The following SLC6A11 variants were observed in gnomAD, a reference collection of about 807,000 sequenced individuals.
The protein encoded by SLC6A11 is solute carrier family 6 member 11.
SLC6A11 carries 25 observed loss-of-function variants against 74.8 expected under a neutral mutation model. The ratio of observed to expected loss-of-function variants is 0.33; its 90% confidence interval spans 0.24 to 0.47. The LOEUF (loss-of-function observed/expected upper bound fraction) is 0.47, where lower values mean the gene tolerates loss of function less well. Among genes scored for constraint, SLC6A11 ranks in the 20% least tolerant of loss-of-function variants. The probability of loss-of-function intolerance (pLI) is 1.00; values close to 1 mark genes in which losing one functional copy is unlikely to be tolerated. For synonymous variants in SLC6A11, 330 were observed against 330.2 expected (o/e 1.00, Z 0.01); for missense variants, 574 against 837.0 (o/e 0.69, Z 3.88).
intron 12 of SLC6A11, 109 bp downstream of exon 12, chr3:10,934,275 G>A: frequency 1.4e-6 from 1 of 740,720 alleles, no homozygotes. Context: ...ACCTGAGGAG[G>A]CTGATGTCCC....
Position 10,933,210 on chromosome 3 carries a change from C to G in SLC6A11, c.1431C>G (p.Leu477=). 1 of 1,614,100 alleles carries G rather than the reference C, an allele frequency of 6.2e-7. No individual in the cohort carries two copies. The highest frequency in any genetic ancestry group is 2.2e-5 in the East Asian group (1 of 44,854). ...DSYAASGMCL[L]FVAIFECICI... ...ATGCCGCCAGTGGGATGTGCCTTCT[C>G]TTCGTGGCCATCTTTGAGTGCATCT... Residue 477 remains leucine, a synonymous_variant, in exon 11 of 14, where the codon CTC becomes CTG. Transcript: ENST00000254488.
At chr3:10,876,894 A>G (rs948782560) in intron 6 of SLC6A11, among the ~76,000 whole-genome samples, 2 of 151,798 alleles carry the variant, frequency 1.3e-5, no homozygotes, top group Non-Finnish European at 2.9e-5. Flanking sequence ...AGTAGTGGAG[A>G]GCACATTGGT....
chr3:10,817,145 C>G (rs1315600340), intron 1 of SLC6A11, among the ~76,000 whole-genome samples: 1 of 152,202 alleles, frequency 6.6e-6, no homozygotes, highest in Non-Finnish European at 1.5e-5. Flanking sequence ...AGGCATTGCT[C>G]TATGGTTTCC....
chr3:10,840,519 G>A (rs1327107158), intron 4 of SLC6A11, among the ~76,000 whole-genome samples: 2 of 152,206 alleles, frequency 1.3e-5, no homozygotes, highest in African/African-American at 4.8e-5. Context: ...TTAGCTCTGT[G>A]TCTGGCACAC....
chr3:10,820,900 C>T (rs1694130378), intron 3 of SLC6A11, among the ~76,000 whole-genome samples: 3 of 152,164 alleles, frequency 2.0e-5, no homozygotes, highest in African/African-American at 4.8e-5. Context: ...TGGAAGTGGC[C>T]TGCCATCGTG....
chr3:10,933,559 G>A (rs1695719148), intron 11 of SLC6A11, among the ~76,000 whole-genome samples: 1 of 152,202 alleles, frequency 6.6e-6, no homozygotes, highest in African/African-American at 2.4e-5. Flanking sequence ...GGGAGGAAGT[G>A]TAATCAAGCA....
chr3:10,895,705 T>G (rs1488655635), intron 6 of SLC6A11, among the ~76,000 whole-genome samples: 1 of 151,976 alleles, frequency 6.6e-6, no homozygotes, highest in East Asian at 1.9e-4. Flanking sequence ...CACACATTTA[T>G]CTATGTAAAC....
At chr3:10,860,705 T>C (rs192246469) in intron 5 of SLC6A11, among the ~76,000 whole-genome samples, 5 of 152,322 alleles carry the variant, frequency 3.3e-5, no homozygotes, top group African/African-American at 1.2e-4. Context: ...AGCTTATGCA[T>C]TCCTCCCTGT....
chr3:10,859,993 C>T (rs12330294), intron 5 of SLC6A11, among the ~76,000 whole-genome samples: 4,317 of 152,220 alleles, frequency 0.028, 207 homozygotes, highest in African/African-American at 0.099. Context: ...TTTTGGCAAC[C>T]AGTTTGTGGT....
At chr3:10,890,919 C>T (rs1328576489) in intron 6 of SLC6A11, among the ~76,000 whole-genome samples, 2 of 152,126 alleles carry the variant, frequency 1.3e-5, no homozygotes, top group East Asian at 3.9e-4. Flanking sequence ...ACTTGGATGC[C>T]CATATTGCAA....
At chr3:10,854,901 G>T (rs1694619881) in intron 5 of SLC6A11, among the ~76,000 whole-genome samples, 1 of 152,202 alleles carries the variant, frequency 6.6e-6, no homozygotes, top group Non-Finnish European at 1.5e-5. Flanking sequence ...TGAACCAGGT[G>T]CCTAAATAAA....
chr3:10,908,420 T>A, intron 6 of SLC6A11, among the ~76,000 whole-genome samples: 1 of 152,152 alleles, frequency 6.6e-6, no homozygotes, highest in East Asian at 1.9e-4. Flanking sequence ...GGTGCTGGTT[T>A]AATGGTGAAC....
At chr3:10,823,829 A>C (rs1385300450) in intron 4 of SLC6A11, 4 of 171,024 alleles carry the variant, frequency 2.3e-5, no homozygotes, top group Non-Finnish European at 5.1e-5. Flanking sequence ...ATCAAATTTA[A>C]TGGATAGAGA....
At chr3:10,830,354 G>C (rs1694278411) in intron 4 of SLC6A11, among the ~76,000 whole-genome samples, 2 of 152,172 alleles carry the variant, frequency 1.3e-5, no homozygotes, top group Admixed American at 1.3e-4. Context: ...GATCCTAGGG[G>C]CTAAGGGGAG....
chr3:10,824,874 A>T, intron 4 of SLC6A11: 1 of 152,202 alleles, frequency 6.6e-6, no homozygotes, highest in East Asian at 1.9e-4. Context: ...CATATAACGT[A>T]AAATTACTTT....
At chr3:10,856,938 G>A (rs1694645246) in intron 5 of SLC6A11, among the ~76,000 whole-genome samples, 1 of 152,166 alleles carries the variant, frequency 6.6e-6, no homozygotes, top group South Asian at 2.1e-4. Context: ...AGGCTCAAGT[G>A]AGGCGATGTG....
At chr3:10,846,093 G>C (rs558488042) in intron 5 of SLC6A11, among the ~76,000 whole-genome samples, 1 of 152,206 alleles carries the variant, frequency 6.6e-6, no homozygotes, top group Non-Finnish European at 1.5e-5. Flanking sequence ...AATGCAAGGA[G>C]AGTTGAGTAT....
chr3:10,889,043 C>A (rs1695077647), intron 6 of SLC6A11, among the ~76,000 whole-genome samples: 1 of 152,002 alleles, frequency 6.6e-6, no homozygotes, highest in African/African-American at 2.4e-5. Flanking sequence ...ATCTTTAACC[C>A]CCCTCTCCAA....
At position 10,862,812 on chromosome 3, in the gene SLC6A11, A is replaced by G. The variant is rs530173224; in HGVS notation, c.757-12149A>G. On this transcript the variant is annotated intron_variant, in intron 5 of 13. Coordinates refer to ENST00000254488, the MANE Select transcript of SLC6A11 (RefSeq NM_014229.3). ...GCTGCCATCCTGTGAACTGTCAGTC[A>G]TATACATCTGTTCTAGGGTTAGCTC... Among the ~76,000 whole-genome samples, 18 of 152,318 alleles carry G rather than the reference A, an allele frequency of 1.2e-4. No homozygotes were observed. The South Asian group carries it at 3.5e-3, about 30-fold the overall frequency.
Sources: gnomAD v4.1 joint callset for allele counts (sites outside exome capture counted in the v4.1 genomes callset) on GRCh38, gnomAD v4.1.1 for gene constraint, MANE v1.5 for transcripts, NCBI Gene and HGNC (gene_info 2026-07-23, HGNC 2026-07-21) for gene names.